Variants in SPAG16 observed in about 807,000 individuals in gnomAD.
SPAG16 encodes the protein sperm-associated antigen 16 protein.
A neutral mutation model predicts 80.4 loss-of-function variants in SPAG16; 86 were observed. The observed-to-expected ratio is 1.07, with a 90% CI of 0.90 to 1.28. The LOEUF is 1.28. SPAG16 is among the 50% of genes most tolerant of loss of function. The pLI is 0.00. For synonymous variants in SPAG16, 294 were observed against 265.9 expected, an observed-to-expected ratio of 1.11 and a Z score of -1.03; for missense variants, 870 against 765.3, an observed-to-expected ratio of 1.14 and a Z score of -1.61.
chr2:213,666,247 TCTCA>T (rs2063598081), intron 10 of SPAG16, among the ~76,000 whole-genome samples: 1 of 152,166 alleles, frequency 6.6e-6, no homozygotes, highest in African/African-American at 2.4e-5. Flanking sequence ...TTCAGGGAGC[TCTCA>T]AGCTTCTTGT....
chr2:213,593,080 T>TA (rs1443021884), intron 10 of SPAG16, among the ~76,000 whole-genome samples: 6 of 152,042 alleles, frequency 3.9e-5, no homozygotes, highest in Non-Finnish European at 8.8e-5. Context: ...TATATATATA[T>TA]TTTTACTTGT....
intron 15 of SPAG16, chr2:214,238,674 A>C (rs1689241416): frequency 6.7e-6 from 1 of 150,184 alleles, no homozygotes; most frequent in African/African-American, 2.5e-5. Context: ...TACATAGTTT[A>C]GGATTTCATG....
chr2:213,930,878 A>C (rs1007137770), intron 12 of SPAG16, among the ~76,000 whole-genome samples: 1 of 152,198 alleles, frequency 6.6e-6, no homozygotes, highest in Non-Finnish European at 1.5e-5. Flanking sequence ...AAACTTTCTC[A>C]GTAGTCTGTG....
At chr2:213,303,789 A>G (rs2062838608) in intron 3 of SPAG16, among the ~76,000 whole-genome samples, 1 of 152,150 alleles carries the variant, frequency 6.6e-6, no homozygotes, top group African/African-American at 2.4e-5. Flanking sequence ...GTTGATGGAT[A>G]CTTAGGTTGC....
intron 9 of SPAG16, among the ~76,000 whole-genome samples, chr2:213,379,932 G>A (rs181005530): frequency 9.6e-4 from 146 of 152,244 alleles, no homozygotes; most frequent in Non-Finnish European, 1.5e-3. Context: ...ACAGAACGGG[G>A]CATCCTTTCC....
intron 13 of SPAG16, among the ~76,000 whole-genome samples, chr2:214,042,626 A>T (rs1255594914): frequency 6.6e-6 from 1 of 152,158 alleles, no homozygotes; most frequent in Non-Finnish European, 1.5e-5. Context: ...GTTTCCTAAG[A>T]TTGAAACTTT....
chr2:213,976,715 G>C (rs970382990), intron 12 of SPAG16, among the ~76,000 whole-genome samples: 1 of 152,072 alleles, frequency 6.6e-6, no homozygotes, highest in African/African-American at 2.4e-5. Context: ...GACTCTAGGA[G>C]TTCAGGGTGG....
chr2:213,802,328 G>A (rs1194769766), intron 10 of SPAG16, among the ~76,000 whole-genome samples: 1 of 152,046 alleles, frequency 6.6e-6, no homozygotes, highest in African/African-American at 2.4e-5. Flanking sequence ...CCTAAAACCA[G>A]CCCTCCATCT....
intron 15 of SPAG16, among the ~76,000 whole-genome samples, chr2:214,388,940 G>A (rs1574483217): frequency 6.6e-6 from 1 of 152,274 alleles, no homozygotes; most frequent in Middle Eastern, 3.4e-3. Flanking sequence ...AAGACAATCA[G>A]ATAAGAAGCG....
intron 1 of SPAG16, among the ~76,000 whole-genome samples, chr2:213,290,804 G>A (rs1485160971): frequency 2.0e-5 from 3 of 152,152 alleles, no homozygotes; most frequent in Admixed American, 6.5e-5. Flanking sequence ...CATTCTTGAC[G>A]AATTAACCTT....
chr2:214,368,990 C>T (rs373932612), intron 15 of SPAG16, among the ~76,000 whole-genome samples: 1 of 152,054 alleles, frequency 6.6e-6, no homozygotes, highest in Non-Finnish European at 1.5e-5. Flanking sequence ...ATTTGCTTCT[C>T]ACCTTCCACA....
intron 13 of SPAG16, among the ~76,000 whole-genome samples, chr2:214,018,310 A>G (rs2047690860): frequency 6.6e-6 from 1 of 152,148 alleles, no homozygotes; most frequent in Non-Finnish European, 1.5e-5. Context: ...AAAAATTTAT[A>G]CTGTTATATA....
At chr2:213,439,267 G>A (rs2070804787) in intron 9 of SPAG16, among the ~76,000 whole-genome samples, 1 of 152,064 alleles carries the variant, frequency 6.6e-6, no homozygotes, top group Non-Finnish European at 1.5e-5. Context: ...GAATGCTTCT[G>A]TAAATATCTT....
At chr2:213,598,910 C>T (rs1283096154) in intron 10 of SPAG16, among the ~76,000 whole-genome samples, 1 of 152,080 alleles carries the variant, frequency 6.6e-6, no homozygotes, top group African/African-American at 2.4e-5. Flanking sequence ...AACCTAGTTA[C>T]TTATTGCCTT....
At chr2:214,137,031 G>T (rs888877574) in intron 14 of SPAG16, among the ~76,000 whole-genome samples, 1 of 152,026 alleles carries the variant, frequency 6.6e-6, no homozygotes, top group Non-Finnish European at 1.5e-5. Context: ...ATAAAAATTA[G>T]ATCACTTGAC....
chr2:213,443,796 G>C (rs1052244982), intron 9 of SPAG16, among the ~76,000 whole-genome samples: 1 of 152,182 alleles, frequency 6.6e-6, no homozygotes, highest in Non-Finnish European at 1.5e-5. Flanking sequence ...CATGAAAGTT[G>C]TGGTGCTTGA....
At chr2:213,944,673 G>A (rs899962059) in intron 12 of SPAG16, among the ~76,000 whole-genome samples, 3 of 152,100 alleles carry the variant, frequency 2.0e-5, no homozygotes, top group Non-Finnish European at 4.4e-5. Flanking sequence ...CATGAATTGT[G>A]GGGGGCTGGG....
intron 10 of SPAG16, among the ~76,000 whole-genome samples, chr2:213,592,128 T>C (rs1368353682): frequency 6.6e-6 from 1 of 152,188 alleles, no homozygotes; most frequent in Non-Finnish European, 1.5e-5. Context: ...CATTACAAAA[T>C]TTGGCTTTCA....
chr2:214,229,508 G>C (rs947856068), intron 15 of SPAG16, among the ~76,000 whole-genome samples: 2 of 151,680 alleles, frequency 1.3e-5, no homozygotes, highest in African/African-American at 4.8e-5. Context: ...ATGTGTATGT[G>C]TGTATATATA....
Sources: gnomAD v4.1 joint callset for allele counts (sites outside exome capture counted in the v4.1 genomes callset) on GRCh38, gnomAD v4.1.1 for gene constraint, MANE v1.5 for transcripts, NCBI Gene and HGNC (gene_info 2026-07-23, HGNC 2026-07-21) for gene names.